Variants in MOXD1 observed in about 807,000 individuals in gnomAD.
The protein encoded by MOXD1 is monooxygenase DBH like 1, also known as DBH-like monooxygenase protein 1.
MOXD1 carries 62 observed loss-of-function variants against 66.6 expected under a neutral mutation model. That is an observed-to-expected ratio of 0.93 (90% confidence interval 0.76 to 1.15). MOXD1 has a LOEUF of 1.15. Ranked by LOEUF, MOXD1 falls within the 50% of genes most tolerant of loss-of-function variation. MOXD1 has a pLI of 0.00. For synonymous variants in MOXD1, 303 were observed against 281.9 expected, an observed-to-expected ratio of 1.07 and a Z score of -0.75; for missense variants, 847 against 754.6, an observed-to-expected ratio of 1.12 and a Z score of -1.44.
chr6:132,397,969 G>A (rs1303304757), intron 1 of MOXD1, among the ~76,000 whole-genome samples: 1 of 152,168 alleles, frequency 6.6e-6, no homozygotes, highest in Non-Finnish European at 1.5e-5. Context: ...TAGTGGTGAA[G>A]TCAGGGCTTT....
chr6:132,315,536 A>T (rs555486754), intron 10 of MOXD1, 99 bp downstream of exon 10: 12 of 1,331,638 alleles, frequency 9.0e-6, no homozygotes, highest in Non-Finnish European at 1.2e-5. Context: ...CAAACAGTGC[A>T]TAAAAATTTC....
intron 10 of MOXD1, among the ~76,000 whole-genome samples, chr6:132,304,145 A>G (rs1774634616): frequency 6.6e-6 from 1 of 151,820 alleles, no homozygotes; most frequent in African/African-American, 2.4e-5. Flanking sequence ...GGAGGTGATT[A>G]GGTCAAGAGG....
At chr6:132,349,458 T>TAC (rs1775753968) in intron 4 of MOXD1, among the ~76,000 whole-genome samples, 7 of 35,808 alleles carry the variant, frequency 2.0e-4, no homozygotes, top group African/African-American at 7.0e-4. Flanking sequence ...TATACATATA[T>TAC]ATATATACAT....
chr6:132,310,788 T>C (rs569884672), intron 10 of MOXD1, among the ~76,000 whole-genome samples: 2 of 151,716 alleles, frequency 1.3e-5, no homozygotes, highest in East Asian at 1.9e-4. Context: ...TAAGTGGGAG[T>C]TGAACAATGA....
intron 4 of MOXD1, among the ~76,000 whole-genome samples, chr6:132,336,405 G>A (rs1484397315): frequency 6.6e-6 from 1 of 152,176 alleles, no homozygotes; most frequent in African/African-American, 2.4e-5. Context: ...CATGTAGATG[G>A]ATGAGCATAT....
At chr6:132,347,602 C>T (rs543293978) in intron 4 of MOXD1, among the ~76,000 whole-genome samples, 12 of 151,550 alleles carry the variant, frequency 7.9e-5, no homozygotes, top group South Asian at 4.2e-4. Flanking sequence ...GCTTGAACTC[C>T]GAAGGTGGAG....
At chr6:132,321,280 T>C (rs1192814004) in intron 8 of MOXD1, among the ~76,000 whole-genome samples, 2 of 151,948 alleles carry the variant, frequency 1.3e-5, no homozygotes, top group African/African-American at 4.8e-5. Context: ...AAAAAGTCCT[T>C]ATTTTTTTCA....
chr6:132,347,689 T>A (rs948310757), intron 4 of MOXD1, among the ~76,000 whole-genome samples: 15 of 143,102 alleles, frequency 1.0e-4, no homozygotes, highest in Middle Eastern at 3.5e-3. Context: ...AAAAAAAAAA[T>A]TATTTGATTT....
intron 9 of MOXD1, among the ~76,000 whole-genome samples, chr6:132,317,341 T>C (rs939277923): frequency 2.6e-5 from 4 of 152,166 alleles, no homozygotes; most frequent in African/African-American, 9.6e-5. Context: ...CAAAGGAAGA[T>C]GCTGATGTGC....
At chr6:132,388,639 G>T (rs1268156309) in intron 1 of MOXD1, among the ~76,000 whole-genome samples, 1 of 151,420 alleles carries the variant, frequency 6.6e-6, no homozygotes, top group East Asian at 1.9e-4. Flanking sequence ...AGAGGAAAGG[G>T]AAGGGAAGGG....
At chr6:132,360,580 CCAAA>C (rs56203654) in intron 4 of MOXD1, among the ~76,000 whole-genome samples, 35,333 of 151,920 alleles carry the variant, frequency 0.23, 4,587 homozygotes, top group African/African-American at 0.35. Flanking sequence ...GGGACTGTGC[CCAAA>C]CAATCACTGC....
rs1774421914 is a variant in MOXD1, at chr6:132,297,196, C to A, written c.1799G>T (p.Cys600Phe). 1.2e-6 allele frequency: 2 copies of A among 1,613,412 alleles called. No homozygotes were observed. Among genetic ancestry groups the A allele is most frequent in the South Asian group, 1.1e-5 (1 of 91,046 alleles). ...HRDFSINLLV[C>F]LLLLSCTLST... ...CAGCGTGCAGCTGAGTAGCAGAAGG[C>A]AAACAAGCAAGTTGATGGAGAAATC... The change falls in exon 12 of 12, where the codon TGC becomes TTC. Residue 600 changes from cysteine (C) to phenylalanine (F), a missense_variant. By Grantham distance (205) the Cys-to-Phe change is radical (BLOSUM62 -2). Coordinates refer to ENST00000367963, the MANE Select transcript of MOXD1 (RefSeq NM_015529.4).
intron 8 of MOXD1, among the ~76,000 whole-genome samples, chr6:132,322,349 A>G (rs746306226): frequency 9.9e-5 from 15 of 152,238 alleles, no homozygotes; most frequent in Admixed American, 4.6e-4. Context: ...CACTGCAGGA[A>G]TTGCAACCCA....
At chr6:132,324,190 A>G in intron 6 of MOXD1, 93 bp from the exon 7 acceptor site, 1 of 1,299,500 alleles carries the variant, frequency 7.7e-7, no homozygotes, top group South Asian at 1.3e-5. Context: ...TAAAGTTTTC[A>G]TATTCTGTTG....
At chr6:132,345,607 C>T (rs1775653404) in intron 4 of MOXD1, among the ~76,000 whole-genome samples, 1 of 152,054 alleles carries the variant, frequency 6.6e-6, no homozygotes, top group African/African-American at 2.4e-5. Context: ...ATAATAGTCT[C>T]CAAAAGCCTT....
intron 4 of MOXD1, among the ~76,000 whole-genome samples, chr6:132,358,603 T>C (rs1348910112): frequency 1.3e-5 from 2 of 152,216 alleles, no homozygotes; most frequent in East Asian, 3.8e-4. Flanking sequence ...TATATGGGTA[T>C]ATACTAACAC....
At chr6:132,315,838 C>T in intron 9 of MOXD1, 61 bp from the exon 10 acceptor site, 6 of 1,517,278 alleles carry the variant, frequency 4.0e-6, no homozygotes, top group Non-Finnish European at 5.5e-6. Context: ...ATTTAAAGCA[C>T]ACAAGTCATT....
intron 1 of MOXD1, among the ~76,000 whole-genome samples, chr6:132,384,120 A>G (rs142782479): frequency 1.1e-4 from 16 of 152,222 alleles, no homozygotes; most frequent in Non-Finnish European, 1.9e-4. Context: ...GCAAGGAATA[A>G]ATTTTGAAGT....
chr6:132,326,063 T>A (rs1479333320), intron 6 of MOXD1, among the ~76,000 whole-genome samples: 4 of 152,188 alleles, frequency 2.6e-5, no homozygotes, highest in Admixed American at 2.6e-4. Context: ...GGAAAAAATA[T>A]AAGTAGAAAT....
Sources: allele counts gnomAD v4.1 joint callset (sites outside exome capture counted in the v4.1 genomes callset), GRCh38; gene constraint gnomAD v4.1.1; transcripts MANE v1.5; gene names NCBI Gene and HGNC (gene_info 2026-07-23, HGNC 2026-07-21).